Variants in CFAP52 observed in about 807,000 individuals in gnomAD.
The protein encoded by CFAP52 is cilia- and flagella-associated protein 52.
A neutral mutation model predicts 70.5 loss-of-function variants in CFAP52; 57 were observed. The observed-to-expected ratio is 0.81, with a 90% CI of 0.65 to 1.01. The LOEUF is 1.01. CFAP52 is among the 50% of genes least tolerant of loss of function. CFAP52 has a pLI of 0.00. For synonymous variants in CFAP52, 267 were observed against 292.5 expected (o/e 0.91, Z 0.89); for missense variants, 785 against 788.5 (o/e 1.00, Z 0.05).
chr17:9,600,297 A>G, intron 6 of CFAP52, 114 bp downstream of exon 6: 1 of 880,186 alleles, frequency 1.1e-6, no homozygotes. Flanking sequence ...CCTGGAGTAC[A>G]GTGACGTGAT....
In CFAP52 at chr17:9,629,491, C is replaced by CT. The variant is rs1173500812; in HGVS notation, c.1174+674dup. 9.0e-5 allele frequency among the ~76,000 whole-genome samples: 13 copies of CT among 144,514 alleles called. 1 individual carries two copies. The highest frequency in any genetic ancestry group is 1.7e-4 in the Non-Finnish European group (11 of 66,516). 94.8% of individuals were successfully genotyped at this position (144,514 alleles called of 152,430 possible). A position where few individuals can be genotyped will look rare whatever the true frequency, so the allele number is the denominator to read the frequency against. ...TTTCTTTCCCTTTCTTTCTTTCTTTCTTTCTTTTCTTTTCTTTCTTTCTTT... is the reference window on the plus strand; with the variant it reads ...TTTCTTTCCCTTTCTTTCTTTCTTTCTTTTCTTTTCTTTTCTTTCTTTCTTT... On this transcript the variant is annotated intron_variant, in intron 9 of 13. Transcript: ENST00000352665.
At chr17:9,622,552 A>AAAGAAGAAGAAG (rs1555543657) in intron 8 of CFAP52, among the ~76,000 whole-genome samples, 2 of 151,376 alleles carry the variant, frequency 1.3e-5, no homozygotes, top group African/African-American at 4.9e-5. Context: ...ATTAAAAAAA[A>AAAGAAGAAGAAG]AAGAAGAAGA....
In CFAP52 at chr17:9,643,158, A is replaced by G. The variant is rs767449476; in HGVS notation, c.1823A>G (p.Asp608Gly). Reference protein sequence around the residue: ...GNQYIVSVSADGAILRWKYPY... With the variant: ...GNQYIVSVSAGGAILRWKYPY... ...CAATATATTGTTAGTGTAAGTGCCG[A>G]TGGAGCCATTTTGCGATGGAAGTAC... The change falls in exon 14 of 14, where the codon GAT becomes GGT. Residue 608 changes from aspartate to glycine, a missense_variant. Asp to Gly is a moderately conservative substitution (Grantham distance 94). Transcript: ENST00000352665. 1 of 1,612,748 alleles carries G rather than the reference A, an allele frequency of 6.2e-7. No individual in the cohort carries two copies. The highest frequency in any genetic ancestry group is 8.5e-7 in the Non-Finnish European group (1 of 1,179,478).
chr17:9,637,754 T>C (rs1451335884), intron 11 of CFAP52, among the ~76,000 whole-genome samples: 2 of 152,228 alleles, frequency 1.3e-5, no homozygotes, highest in Non-Finnish European at 2.9e-5. Context: ...TCTGTATTTT[T>C]AGTAGAGACG....
At chr17:9,642,691 G>A (rs1196193865) in intron 13 of CFAP52, among the ~76,000 whole-genome samples, 1 of 152,130 alleles carries the variant, frequency 6.6e-6, no homozygotes, top group East Asian at 1.9e-4. Context: ...TGACTACAAA[G>A]CAGGTATCAA....
chr17:9,631,052 G>GAGAGAGAGAGAGAGAGAGAAAGAA (rs370935367), intron 9 of CFAP52, among the ~76,000 whole-genome samples: 5 of 37,952 alleles, frequency 1.3e-4, no homozygotes, highest in African/African-American at 2.6e-4. Context: ...GAGAGAGAGA[G>GAGAGAGAGAGAGAGAGAGAAAGAA]AGAAAGAAAG....
Position 9,630,426 on chromosome 17 carries a change from A to ATTTT in CFAP52, c.1174+1622_1174+1625dup, listed in dbSNP as rs560084144. ...CCACCATGCCCAGCTAATTTTTGTA[A>ATTTT]TTTTTTTTTTTTTTTTTTTAAGAGA... On this transcript the variant is annotated intron_variant, in intron 9 of 13. Coordinates refer to ENST00000352665, the MANE Select transcript of CFAP52 (RefSeq NM_145054.5). 7.6e-3 allele frequency among the ~76,000 whole-genome samples: 971 copies of ATTTT among 127,746 alleles called. 20 individuals carry two copies. The highest frequency in any genetic ancestry group is 0.027 in the African/African-American group (923 of 34,146). The allele number at this position is 127,746 out of a possible 152,430, so 83.8% of individuals were successfully genotyped here.
intron 1 of CFAP52, chr17:9,584,481 G>C: frequency 1.4e-6 from 1 of 708,576 alleles, no homozygotes; most frequent in African/African-American, 1.9e-5. Flanking sequence ...AACACAATGT[G>C]TTGATAGACA....
chr17:9,599,114 A>C (rs2151935803), intron 5 of CFAP52, among the ~76,000 whole-genome samples: 1 of 152,324 alleles, frequency 6.6e-6, no homozygotes, highest in East Asian at 1.9e-4. Context: ...TATAGCCAGA[A>C]GTGTTTTGAA....
chr17:9,585,644 G>T, intron 1 of CFAP52, 129 bp from the exon 2 acceptor site: 1 of 931,818 alleles, frequency 1.1e-6, no homozygotes, highest in Non-Finnish European at 1.7e-6. Context: ...TGCACCCCAG[G>T]CTGGGTGACA....
At chr17:9,629,753 T>C (rs1294494627) in intron 9 of CFAP52, among the ~76,000 whole-genome samples, 1 of 151,980 alleles carries the variant, frequency 6.6e-6, no homozygotes, top group Non-Finnish European at 1.5e-5. Flanking sequence ...CACGATGGGC[T>C]AATTTTTTGT....
chr17:9,598,923 C>T (rs1000222139), intron 5 of CFAP52, among the ~76,000 whole-genome samples: 2 of 152,036 alleles, frequency 1.3e-5, no homozygotes, highest in Non-Finnish European at 2.9e-5. Flanking sequence ...CAATGCAGCC[C>T]GTGGCACTCA....
At chr17:9,611,039 AC>A (rs1298031572) in intron 7 of CFAP52, among the ~76,000 whole-genome samples, 1 of 152,234 alleles carries the variant, frequency 6.6e-6, no homozygotes, top group African/African-American at 2.4e-5. Flanking sequence ...GTCCAGAGTC[AC>A]AAACCTCTAG....
chr17:9,615,583 TA>T (rs1909871192), intron 8 of CFAP52, among the ~76,000 whole-genome samples: 1 of 152,072 alleles, frequency 6.6e-6, no homozygotes, highest in Admixed American at 6.6e-5. Context: ...GGAAACTATC[TA>T]CTTTATTTGT....
intron 8 of CFAP52, among the ~76,000 whole-genome samples, chr17:9,616,478 G>T (rs1285398593): frequency 7.2e-6 from 1 of 138,056 alleles, no homozygotes; most frequent in African/African-American, 2.8e-5. Context: ...CGGGAAGCTC[G>T]AACTGGGTGG....
Position 9,598,202 on chromosome 17 carries a change from A to T in CFAP52, c.537-32A>T, listed in dbSNP as rs375306919. 2 of 1,518,562 alleles carry T rather than the reference A, an allele frequency of 1.3e-6. 1 individual carries two copies. Among genetic ancestry groups the T allele is most frequent in the African/African-American group, 2.9e-5 (2 of 69,784 alleles). The allele number at this position is 1,518,562 out of a possible 1,614,324, so 94.1% of individuals were successfully genotyped here. On this transcript the variant is annotated intron_variant, in intron 4 of 13. Coordinates refer to ENST00000352665, the MANE Select transcript of CFAP52 (RefSeq NM_145054.5). ...TGATTATTAAATGGGTGTCCATTTG[A>T]TTGTGGTTTTTTGTTTTTTTTTTTT...
intron 8 of CFAP52, among the ~76,000 whole-genome samples, chr17:9,614,157 C>CTTTTTTTTTTTT (rs11347755): frequency 1.1e-5 from 1 of 93,980 alleles, no homozygotes; most frequent in Non-Finnish European, 2.2e-5. Flanking sequence ...TTCTTTCTTT[C>CTTTTTTTTTTTT]TTTTTTTTTT....
intron 1 of CFAP52, among the ~76,000 whole-genome samples, chr17:9,578,389 C>G (rs8064915): frequency 0.98 from 149,536 of 152,290 alleles, 73,480 homozygotes; most frequent in East Asian, 1. Flanking sequence ...ACTGAAATCA[C>G]TCTGTTGTCC....
At chr17:9,616,318 C>T (rs1479551133) in intron 8 of CFAP52, among the ~76,000 whole-genome samples, 47 of 126,730 alleles carry the variant, frequency 3.7e-4, no homozygotes, top group Middle Eastern at 3.7e-3. Context: ...CACCACGAGA[C>T]TATATCCCAC....
Sources: gnomAD v4.1 joint callset for allele counts (sites outside exome capture counted in the v4.1 genomes callset) on GRCh38, gnomAD v4.1.1 for gene constraint, MANE v1.5 for transcripts, NCBI Gene and HGNC (gene_info 2026-07-23, HGNC 2026-07-21) for gene names.